DMD: variants seen among roughly 807,000 people sequenced by gnomAD.
The protein encoded by DMD is mutant dystrophin.
A neutral mutation model predicts 330.1 loss-of-function variants in DMD; 63 were observed. The ratio of observed to expected loss-of-function variants is 0.19; its 90% CI spans 0.16 to 0.24. The LOEUF (loss-of-function observed/expected upper bound fraction) is 0.24, where lower values mean the gene tolerates loss of function less well. DMD is among the 10% of genes least tolerant of loss of function. The pLI, the probability that DMD is intolerant of heterozygous loss-of-function variation, is 1.00. For synonymous variants in DMD, 1,223 were observed against 959.8 expected (o/e 1.27, Z -5.07); for missense variants, 3,344 against 2,684.1 (o/e 1.25, Z -5.43).
At chrX:33,303,895 T>G (rs1005375529) in intron 1 of DMD, among the ~76,000 whole-genome samples, 1 of 111,751 alleles carries the variant, frequency 8.9e-6, no homozygotes, top group East Asian at 2.8e-4. Context: ...ATACACTTAA[T>G]TTTTTAAATG....
At chrX:31,904,073 C>G (rs1226659579) in intron 47 of DMD, among the ~76,000 whole-genome samples, 1 of 111,393 alleles carries the variant, frequency 9.0e-6, no homozygotes. Context: ...GTGGTTGCAG[C>G]CTTATACTAT....
intron 44 of DMD, among the ~76,000 whole-genome samples, chrX:32,020,980 A>G (rs1476930728): frequency 3.6e-5 from 4 of 112,254 alleles, no homozygotes; most frequent in Non-Finnish European, 5.6e-5. Flanking sequence ...CTTACATAGC[A>G]AATATGTGTG....
intron 48 of DMD, among the ~76,000 whole-genome samples, chrX:31,844,310 T>TG (rs1256618087): frequency 4.1e-4 from 45 of 109,392 alleles, no homozygotes; most frequent in Non-Finnish European, 8.0e-4. Flanking sequence ...TTTTTTTTTT[T>TG]TTTGTTTACT....
chrX:31,186,894 T>C (rs1416255816), intron 67 of DMD, among the ~76,000 whole-genome samples: 1 of 112,566 alleles, frequency 8.9e-6, no homozygotes, highest in African/African-American at 3.2e-5. Flanking sequence ...TTACAGCCAC[T>C]ACACCACCCA....
rs1201169887 is a variant in DMD at position 32,342,080 on chromosome X, G to A, written c.5922+20C>T. On this transcript the variant is annotated intron_variant, in intron 41 of 78. Coordinates refer to ENST00000357033, the MANE Select transcript of DMD (RefSeq NM_004006.3). ...GTAGTAGTTGCAAACACATACGTGG[G>A]TTTGCCAGTAACAACTCACAATTTG... 8.3e-7 allele frequency: 1 copy of A among 1,201,378 alleles called. No individual in the cohort carries two copies. The highest frequency in any genetic ancestry group is 1.7e-5 in the African/African-American group (1 of 57,381).
intron 2 of DMD, among the ~76,000 whole-genome samples, chrX:32,928,229 A>G (rs1014178638): frequency 2.7e-5 from 3 of 110,665 alleles, no homozygotes; most frequent in Non-Finnish European, 5.7e-5. Context: ...CTTTGTCATA[A>G]GAACCCCTTT....
intron 44 of DMD, among the ~76,000 whole-genome samples, chrX:32,212,574 T>C (rs2147827845): frequency 8.9e-6 from 1 of 112,093 alleles, no homozygotes; most frequent in South Asian, 3.7e-4. Context: ...AATCCAATCT[T>C]TCTGAGTCCA....
chrX:32,779,704 G>A (rs2074521634), intron 7 of DMD, among the ~76,000 whole-genome samples: 1 of 91,594 alleles, frequency 1.1e-5, no homozygotes, highest in Non-Finnish European at 2.1e-5. Context: ...GGCCTGTGGT[G>A]GGGTGGGGTG....
At chrX:32,638,264 G>A (rs553080831) in intron 11 of DMD, among the ~76,000 whole-genome samples, 8 of 111,640 alleles carry the variant, frequency 7.2e-5, no homozygotes, top group African/African-American at 2.3e-4. Context: ...ATCAACATAT[G>A]AGGACTGAAT....
At chrX:32,123,243 A>ATATATATATATATATATATATAT (rs1491535545) in intron 44 of DMD, among the ~76,000 whole-genome samples, 10 of 82,886 alleles carry the variant, frequency 1.2e-4, no homozygotes, top group Non-Finnish European at 1.8e-4. Context: ...ATATATATAT[A>ATATATATATATATATATATATAT]AATGATCAAA....
At chrX:32,817,677 AGAT>A (rs1439416010) in intron 5 of DMD, among the ~76,000 whole-genome samples, 1 of 112,178 alleles carries the variant, frequency 8.9e-6, no homozygotes, top group Non-Finnish European at 1.9e-5. Context: ...ACATTTGATC[AGAT>A]GATGAATATT....
At chrX:31,832,717 T>A (rs952234923) in intron 49 of DMD, among the ~76,000 whole-genome samples, 1 of 112,464 alleles carries the variant, frequency 8.9e-6, no homozygotes, top group East Asian at 2.8e-4. Flanking sequence ...ATATAAAAAG[T>A]TAGCAAAGCA....
chrX:31,600,063 T>C (rs2077273631), intron 55 of DMD, among the ~76,000 whole-genome samples: 1 of 111,388 alleles, frequency 9.0e-6, no homozygotes, highest in African/African-American at 3.3e-5. Context: ...CCCGAGTAGC[T>C]GGGACTACAG....
At chrX:31,989,167 C>T (rs1283784309) in intron 44 of DMD, among the ~76,000 whole-genome samples, 1 of 111,782 alleles carries the variant, frequency 8.9e-6, no homozygotes, top group East Asian at 2.8e-4. Flanking sequence ...CAAGGGAGAA[C>T]AATCGGCTTT....
chrX:32,399,964 A>G (rs923698584), intron 30 of DMD, among the ~76,000 whole-genome samples: 7 of 111,360 alleles, frequency 6.3e-5, no homozygotes, highest in East Asian at 2.9e-4. Flanking sequence ...TCTCCTGCCT[A>G]ATTGCCCTGG....
At chrX:31,645,940 T>TA (rs1195181479) in intron 54 of DMD, among the ~76,000 whole-genome samples, 1 of 111,730 alleles carries the variant, frequency 9.0e-6, no homozygotes, top group Non-Finnish European at 1.9e-5. Flanking sequence ...AGTTATTACT[T>TA]ATTAAGATAC....
intron 33 of DMD, among the ~76,000 whole-genome samples, chrX:32,384,019 A>AACAC (rs1390833723): frequency 9.0e-6 from 1 of 110,586 alleles, no homozygotes; most frequent in African/African-American, 3.3e-5. Context: ...AAAAATACTC[A>AACAC]TCCATACATT....
Position 32,515,915 on chromosome X carries a change from C to T in DMD, c.2292+2093G>A, listed in dbSNP as rs142526589. ...TTTTGTTAATTATATGAATAAAACA[C>T]ATGGTGAATATACAAGGAAAAAATT... is the stretch of plus-strand genomic sequence containing the variant. On this transcript the variant is annotated intron_variant, in intron 18 of 78. Transcript: ENST00000357033. Among the ~76,000 whole-genome samples, 506 of 111,530 alleles carry T rather than the reference C, an allele frequency of 4.5e-3. 2 individuals are homozygous for T. Among genetic ancestry groups the T allele is most frequent in the Non-Finnish European group, 7.3e-3 (388 of 53,066 alleles).
At chrX:32,779,382 T>G (rs1230835363) in intron 7 of DMD, among the ~76,000 whole-genome samples, 1 of 110,795 alleles carries the variant, frequency 9.0e-6, no homozygotes, top group East Asian at 2.8e-4. Context: ...TAGCTGCAAA[T>G]TAGTCTTTTG....
Sources: allele counts gnomAD v4.1 joint callset (sites outside exome capture counted in the v4.1 genomes callset), GRCh38; gene constraint gnomAD v4.1.1; transcripts MANE v1.5; gene names NCBI Gene and HGNC (gene_info 2026-07-23, HGNC 2026-07-21).